Variants in CUX2 observed in about 807,000 individuals in gnomAD.
CUX2 encodes the protein homeobox protein cut-like 2.
A neutral mutation model predicts 144.8 loss-of-function variants in CUX2; 40 were observed. The ratio of observed to expected loss-of-function variants is 0.28; its 90% confidence interval spans 0.21 to 0.36. CUX2 has a LOEUF of 0.36. CUX2 is among the 10% of genes least tolerant of loss of function. The probability of loss-of-function intolerance (pLI) is 1.00; values close to 1 mark genes in which losing one functional copy is unlikely to be tolerated. For synonymous variants in CUX2, 827 were observed against 875.6 expected, an observed-to-expected ratio of 0.94 and a Z score of 0.98; for missense variants, 1,615 against 1,994.0, an observed-to-expected ratio of 0.81 and a Z score of 3.62.
At chr12:111,111,420 C>T (rs1873950565) in intron 1 of CUX2, among the ~76,000 whole-genome samples, 1 of 152,206 alleles carries the variant, frequency 6.6e-6, no homozygotes, top group South Asian at 2.1e-4. Context: ...TTTTACTCCT[C>T]CCCACAACTT....
intron 18 of CUX2, among the ~76,000 whole-genome samples, chr12:111,328,938 C>CCTCTCTCTCTCT (rs1460303520): frequency 7.1e-5 from 4 of 56,504 alleles, no homozygotes; most frequent in African/African-American, 3.6e-4. Flanking sequence ...TTTTGATTCA[C>CCTCTCTCTCTCT]CTATCTCTCT....
intron 1 of CUX2, among the ~76,000 whole-genome samples, chr12:111,071,224 T>A (rs1420139110): frequency 6.6e-6 from 1 of 152,216 alleles, no homozygotes; most frequent in Non-Finnish European, 1.5e-5. Flanking sequence ...GCTACACCAT[T>A]TTGCCTTCCC....
chr12:111,133,406 T>C (rs1875634732), intron 1 of CUX2, among the ~76,000 whole-genome samples: 1 of 152,190 alleles, frequency 6.6e-6, no homozygotes, highest in Non-Finnish European at 1.5e-5. Context: ...CTCAGATTCA[T>C]GGCAGGAGGC....
At position 111,293,367 on chromosome 12, in the gene CUX2, A is replaced by C. The variant is rs374945661; in HGVS notation, c.437-79A>C. ...GGAAATTGATCACAATCAATGATCG[A>C]TCCGGTTTACAGAAAGCGGCTCTGG... On this transcript the variant is annotated intron_variant, in intron 5 of 21. Coordinates refer to ENST00000261726, the MANE Select transcript of CUX2 (RefSeq NM_015267.4). The surrounding 1 kb of genome is among the most constrained non-coding windows in gnomAD (Gnocchi z 4.5). 4 of 1,509,162 alleles carry C rather than the reference A, an allele frequency of 2.7e-6. No homozygotes were observed. The highest frequency in any genetic ancestry group is 2.6e-5 in the South Asian group (2 of 76,376). 93.5% of individuals were successfully genotyped at this position (1,509,162 alleles called of 1,614,324 possible). A position where few individuals can be genotyped will look rare whatever the true frequency, so the allele number is the denominator to read the frequency against.
intron 1 of CUX2, among the ~76,000 whole-genome samples, chr12:111,119,874 A>C (rs975816205): frequency 6.6e-6 from 1 of 152,268 alleles, no homozygotes; most frequent in Admixed American, 6.5e-5. Context: ...CCTGGCCAAC[A>C]TGGCAAAACC....
At chr12:111,108,279 C>G (rs913128817) in intron 1 of CUX2, among the ~76,000 whole-genome samples, 2 of 152,138 alleles carry the variant, frequency 1.3e-5, no homozygotes, top group African/African-American at 4.8e-5. Context: ...GTCACTTGCT[C>G]AAGGTGAAGA....
chr12:111,148,059 T>C (rs1420519566), intron 1 of CUX2, among the ~76,000 whole-genome samples: 5 of 152,080 alleles, frequency 3.3e-5, no homozygotes, highest in African/African-American at 4.8e-5. Flanking sequence ...ACCCTAAAAA[T>C]TGGAAAGCAG....
rs542694172 is a variant in CUX2, at chr12:111,211,058, A to C, written c.64-3142A>C. On this transcript the variant is annotated intron_variant, in intron 1 of 21. Transcript: ENST00000261726. ...GACACATTAATGTGTTTGTTCCATG[A>C]GATGATGTATGTTAGGAGCTTAGCA... is the stretch of plus-strand genomic sequence containing the variant. Among the ~76,000 whole-genome samples, 22 of 152,308 alleles carry C rather than the reference A, an allele frequency of 1.4e-4. No homozygotes were observed. The South Asian group carries it at 4.1e-3, about 29-fold the overall frequency.
intron 1 of CUX2, among the ~76,000 whole-genome samples, chr12:111,082,674 C>G (rs113379455): frequency 6.6e-6 from 1 of 152,162 alleles, no homozygotes; most frequent in African/African-American, 2.4e-5. Flanking sequence ...CAAACAGAAG[C>G]TTCCCATGAA....
intron 1 of CUX2, among the ~76,000 whole-genome samples, chr12:111,074,783 G>C (rs1261908673): frequency 6.6e-6 from 1 of 152,062 alleles, no homozygotes; most frequent in Non-Finnish European, 1.5e-5. Context: ...GGGCCCAGCA[G>C]CTGGGAGGAC....
chr12:111,198,744 G>C (rs1207621562), intron 1 of CUX2, among the ~76,000 whole-genome samples: 1 of 152,246 alleles, frequency 6.6e-6, no homozygotes, highest in Non-Finnish European at 1.5e-5. Flanking sequence ...CAGCACTGGG[G>C]GGGATGGGGA....
Position 111,320,791 on chromosome 12 carries a change from G to A in CUX2, c.2766+16G>A. On this transcript the variant is annotated intron_variant, in intron 17 of 21. Transcript: ENST00000261726. This position sits in a 1 kb window ranked among gnomAD's most constrained non-coding sequence, Gnocchi z 8.1. ...CGGGGAGAAGGTGAGTGCAGGGCGG[G>A]CCCCCGGTGTCTGGGCTCTGGGAGA... 6.7e-7 allele frequency: 1 copy of A among 1,492,334 alleles called. No individual in the cohort carries two copies. The highest frequency in any genetic ancestry group is 8.9e-7 in the Non-Finnish European group (1 of 1,124,488). 92.4% of individuals were successfully genotyped at this position (1,492,334 alleles called of 1,614,324 possible). A position where few individuals can be genotyped will look rare whatever the true frequency, so the allele number is the denominator to read the frequency against.
At chr12:111,104,456 G>A (rs1403001063) in intron 1 of CUX2, among the ~76,000 whole-genome samples, 1 of 152,212 alleles carries the variant, frequency 6.6e-6, no homozygotes, top group East Asian at 1.9e-4. Flanking sequence ...CCAAAGCTTT[G>A]GATAGTCACA....
intron 3 of CUX2, among the ~76,000 whole-genome samples, chr12:111,219,536 T>C (rs541267022): frequency 6.6e-6 from 1 of 152,352 alleles, no homozygotes; most frequent in East Asian, 1.9e-4. Flanking sequence ...CTCAGCTGTT[T>C]CCTTGCTTGA....
intron 1 of CUX2, among the ~76,000 whole-genome samples, chr12:111,051,908 G>A (rs1870285533): frequency 6.6e-6 from 1 of 151,536 alleles, no homozygotes; most frequent in African/African-American, 2.4e-5. Flanking sequence ...TTTTCTTAGT[G>A]GTTTGTGCTA....
At chr12:111,235,843 G>A (rs773691023) in intron 3 of CUX2, among the ~76,000 whole-genome samples, 1 of 152,194 alleles carries the variant, frequency 6.6e-6, no homozygotes, top group Non-Finnish European at 1.5e-5. Context: ...GATGTGGCAG[G>A]TGGAGACAGA....
intron 18 of CUX2, among the ~76,000 whole-genome samples, chr12:111,325,055 G>A (rs1887707489): frequency 6.6e-6 from 1 of 151,822 alleles, no homozygotes. Context: ...GGAGGCTGAG[G>A]CAGGCGGATC....
rs191445803 is a variant in CUX2, at chr12:111,269,492, C to T, written c.301+5653C>T. Among the ~76,000 whole-genome samples the T allele has an allele frequency of 3.9e-5, 6 of 152,270 alleles. No individual in the cohort carries two copies. In the East Asian group the frequency reaches 5.8e-4, roughly 15 times the overall value. ...CCTACAAACACAGACATGGGCCCAG[C>T]CCTCAGAAGCTTACCTTTGAGTGGC... On this transcript the variant is annotated intron_variant, in intron 4 of 21. Transcript: ENST00000261726.
intron 8 of CUX2, among the ~76,000 whole-genome samples, chr12:111,297,871 G>C (rs1250148215): frequency 6.6e-6 from 1 of 152,186 alleles, no homozygotes; most frequent in African/African-American, 2.4e-5. Flanking sequence ...CTGGGGATGG[G>C]AAAAGAGAAT....
Sources: allele counts gnomAD v4.1 joint callset (sites outside exome capture counted in the v4.1 genomes callset), GRCh38; gene constraint gnomAD v4.1.1; non-coding constraint Gnocchi (gnomAD v3.1); transcripts MANE v1.5; gene names NCBI Gene and HGNC (gene_info 2026-07-23, HGNC 2026-07-21).